IFNAR1: variants seen among roughly 807,000 people sequenced by gnomAD.
IFNAR1 encodes interferon alpha and beta receptor subunit 1, also known as interferon alpha/beta receptor 1.
Under a neutral mutation model 62.1 loss-of-function variants are expected in IFNAR1, and 47 were observed. That is an observed-to-expected ratio of 0.76 (90% CI 0.60 to 0.97). The LOEUF (loss-of-function observed/expected upper bound fraction) is 0.97, where lower values mean the gene tolerates loss of function less well. IFNAR1 is among the 50% of genes least tolerant of loss of function. IFNAR1 has a pLI of 0.00. For missense variants in IFNAR1, 638 were observed against 654.5 expected (o/e 0.97, Z 0.27); for synonymous variants, 219 against 226.9 (o/e 0.97, Z 0.31).
rs774191862 is a variant in IFNAR1 at position 33,349,463 on chromosome 21, C to G, written c.1063C>G (p.Gln355Glu). Residue 355 changes from glutamine (Q) to glutamate (E), a missense_variant, in exon 8 of 11, where the codon CAG becomes GAG. Gln to Glu is a conservative substitution (Grantham distance 29). Coordinates refer to ENST00000270139, the MANE Select transcript of IFNAR1 (RefSeq NM_000629.3). ...SFHIYIGAPK[Q>E]SGNTPVIQDY... is the part of the protein sequence containing the mutation. ...CCATATCTATATCGGTGCTCCAAAA[C>G]AGTCTGGAAACACGCCTGTGATCCA... 3.1e-6 allele frequency: 5 copies of G among 1,611,188 alleles called. No individual in the cohort carries two copies. In the African/African-American group the frequency reaches 6.7e-5, roughly 22 times the overall value.
At chr21:33,331,131 C>G (rs2083175436) in intron 1 of IFNAR1, among the ~76,000 whole-genome samples, 2 of 152,198 alleles carry the variant, frequency 1.3e-5, no homozygotes, top group Admixed American at 6.5e-5. Flanking sequence ...GCAGCTGTTA[C>G]ACCCTTCCCT....
At chr21:33,331,718 A>T (rs2083182972) in intron 1 of IFNAR1, among the ~76,000 whole-genome samples, 1 of 152,114 alleles carries the variant, frequency 6.6e-6, no homozygotes, top group Non-Finnish European at 1.5e-5. Context: ...ATTTAGAGTC[A>T]TGACTTCATG....
Position 33,341,009 on chromosome 21 carries a change from G to A in IFNAR1, c.211G>A (p.Asp71Asn). 1 of 1,606,674 alleles carries A rather than the reference G, an allele frequency of 6.2e-7. No individual in the cohort carries two copies. Among genetic ancestry groups the A allele is most frequent in the Non-Finnish European group, 8.5e-7 (1 of 1,174,360 alleles). ...TTTTTTACTTTAAAGAACTGGGATGGATAATTGGATAAAATTGTCTGGGTG... is the reference window on the plus strand; with the variant it reads ...TTTTTTACTTTAAAGAACTGGGATGAATAATTGGATAAAATTGTCTGGGTG... ...FSFDYQKTGM[D>N]NWIKLSGCQN... The change falls in exon 3 of 11, where the codon GAT (aspartate) becomes AAT (asparagine). Residue 71 changes from aspartate (D) to asparagine (N), a missense_variant. Transcript: ENST00000270139.
intron 1 of IFNAR1, among the ~76,000 whole-genome samples, chr21:33,329,184 A>G (rs2083154717): frequency 6.6e-6 from 1 of 152,122 alleles, no homozygotes; most frequent in Non-Finnish European, 1.5e-5. Flanking sequence ...AACATTTTCT[A>G]TTCTTGTCTC....
At position 33,358,699 on chromosome 21, in the gene IFNAR1, T is replaced by C. The variant is rs983104764; in HGVS notation, c.*3150T>C. On this transcript the variant is annotated 3_prime_UTR_variant, in exon 11 of 11. Coordinates refer to ENST00000270139, the MANE Select transcript of IFNAR1 (RefSeq NM_000629.3). ...ATTTGCAACTTATAAAAAAGTTACT[T>C]TTAAAAATATAAGTTAGGGCTAGGC... 6.6e-6 allele frequency: 1 copy of C among 152,056 alleles called. No individual in the cohort carries two copies. The highest frequency in any genetic ancestry group is 2.4e-5 in the African/African-American group (1 of 41,408). 9.4% of individuals were successfully genotyped at this position (152,056 alleles called of 1,614,324 possible).
Position 33,340,981 on chromosome 21 carries a change from GT to G in IFNAR1, c.201-10del, listed in dbSNP as rs747996862. The G allele has an allele frequency of 9.1e-6, 14 of 1,537,242 alleles. No individual in the cohort carries two copies. Among genetic ancestry groups the G allele is most frequent in the Middle Eastern group, 1.7e-4 (1 of 5,808 alleles). ...TATACATTTGCTCACTCATTCATTT[GT>G]TTTTTTTACTTTAAAGAACTGGGAT... On this transcript the variant is annotated splice_polypyrimidine_tract_variant and intron_variant, in intron 2 of 10. Coordinates refer to ENST00000270139, the MANE Select transcript of IFNAR1 (RefSeq NM_000629.3).
Position 33,349,553 on chromosome 21 carries a change from C to T in IFNAR1, c.1143+10C>T, listed in dbSNP as rs2083381500. On this transcript the variant is annotated intron_variant, in intron 8 of 10. Coordinates refer to ENST00000270139, the MANE Select transcript of IFNAR1 (RefSeq NM_000629.3). ...CACTTCAAATGCTGAGGTAAAAAGA[C>T]TGTATAGTATAATTTTGTAACTTAG... 4.5e-6 allele frequency: 7 copies of T among 1,552,966 alleles called. No homozygotes were observed. The highest frequency in any genetic ancestry group is 6.2e-6 in the Non-Finnish European group (7 of 1,134,234).
Position 33,343,526 on chromosome 21 carries a change from G to A in IFNAR1, c.532-9G>A, listed in dbSNP as rs781327913. Reference sequence around the variant, plus strand: ...TTTTTTAAAGAACCAACTTATATTTGTGTTATAGGAAAGGATTGAAAATAT... The same window carrying A: ...TTTTTTAAAGAACCAACTTATATTTATGTTATAGGAAAGGATTGAAAATAT... On this transcript the variant is annotated splice_polypyrimidine_tract_variant and intron_variant, in intron 4 of 10. Transcript: ENST00000270139. The A allele has an allele frequency of 1.3e-6, 2 of 1,529,568 alleles. No individual in the cohort carries two copies. Among genetic ancestry groups the A allele is most frequent in the South Asian group, 1.1e-5 (1 of 87,460 alleles). The allele number at this position is 1,529,568 out of a possible 1,614,324, so 94.7% of individuals were successfully genotyped here.
At chr21:33,355,252 C>T in intron 10 of IFNAR1, 64 bp from the exon 11 acceptor site, 1 of 826,370 alleles carries the variant, frequency 1.2e-6, no homozygotes, top group Non-Finnish European at 1.9e-6. Flanking sequence ...GCTATTACAA[C>T]TAGAAAAGGA....
intron 1 of IFNAR1, among the ~76,000 whole-genome samples, chr21:33,334,029 A>G (rs1467803570): frequency 2.0e-5 from 3 of 152,244 alleles, no homozygotes; most frequent in Non-Finnish European, 2.9e-5. Context: ...AGGAATTGCT[A>G]TACTTATGTC....
intron 1 of IFNAR1, among the ~76,000 whole-genome samples, chr21:33,331,970 C>T (rs2243590): frequency 0.38 from 57,790 of 151,922 alleles, 11,167 homozygotes; most frequent in Middle Eastern, 0.46. Flanking sequence ...TACGTCCAAG[C>T]CCTGCCACAG....
intron 6 of IFNAR1, among the ~76,000 whole-genome samples, chr21:33,348,661 G>T (rs1335001636): frequency 6.6e-6 from 1 of 152,110 alleles, no homozygotes; most frequent in Non-Finnish European, 1.5e-5. Flanking sequence ...AATTAGGCAG[G>T]CCTGGTGGCG....
chr21:33,324,887 G>GT (rs2083108136), upstream of IFNAR1: 7 of 610,450 alleles, frequency 1.1e-5, no homozygotes, highest in Admixed American at 2.7e-5. Flanking sequence ...CGTGCGCGGA[G>GT]GGGCGGTGTG....
In IFNAR1 at chr21:33,349,377, A is replaced by G. The variant is rs775067703; in HGVS notation, c.989-12A>G. ...TCTAATTGAACATTATTTCTTTACA[A>G]ATTTTTTCTAGCTTTCCTACTTCCT... is the stretch of plus-strand genomic sequence containing the variant. On this transcript the variant is annotated splice_polypyrimidine_tract_variant and intron_variant, in intron 7 of 10. Transcript: ENST00000270139. 8.2e-6 allele frequency: 13 copies of G among 1,579,236 alleles called. No homozygotes were observed. The highest frequency in any genetic ancestry group is 1.0e-5 in the Non-Finnish European group (12 of 1,165,854).
chr21:33,337,757 C>CAT (rs146600084), intron 2 of IFNAR1, among the ~76,000 whole-genome samples: 183 of 57,500 alleles, frequency 3.2e-3, no homozygotes, highest in Middle Eastern at 8.1e-3. Context: ...CATATACACA[C>CAT]TATATATACA....
chr21:33,351,107 T>C (rs2083393010), intron 8 of IFNAR1, among the ~76,000 whole-genome samples: 1 of 152,232 alleles, frequency 6.6e-6, no homozygotes, highest in Non-Finnish European at 1.5e-5. Flanking sequence ...GAAACTCTTA[T>C]TGAATACTTA....
rs909347447 is a variant in IFNAR1, at chr21:33,324,987, G to C, written c.-69G>C. ...AGAGGGGCGGTGTGACTTAGGACGGGGCGATGGCGGCTGAGAGGAGCTGCG... is the reference window on the plus strand; with the variant it reads ...AGAGGGGCGGTGTGACTTAGGACGGCGCGATGGCGGCTGAGAGGAGCTGCG... On this transcript the variant is annotated 5_prime_UTR_variant, in exon 1 of 11. Transcript: ENST00000270139. 7 of 1,409,854 alleles carry C rather than the reference G, an allele frequency of 5.0e-6. No homozygotes were observed. The highest frequency in any genetic ancestry group is 6.9e-6 in the Non-Finnish European group (7 of 1,020,502). 87.3% of individuals were successfully genotyped at this position (1,409,854 alleles called of 1,614,324 possible).
At position 33,352,909 on chromosome 21, in the gene IFNAR1, G is replaced by A. The variant is rs1180199400; in HGVS notation, c.1294+1G>A. The A allele has an allele frequency of 1.3e-6, 2 of 1,562,218 alleles. No individual in the cohort carries two copies. Among genetic ancestry groups the A allele is most frequent in the South Asian group, 1.2e-5 (1 of 83,356 alleles). On this transcript the variant is annotated splice_donor_variant, in intron 9 of 10. Coordinates refer to ENST00000270139, the MANE Select transcript of IFNAR1 (RefSeq NM_000629.3). LOFTEE classifies it high-confidence loss of function. ...GCTGTATGTGAGAAAACAAAACCAG[G>A]TCAGAATCTTTTATTGTCTTTTTTA... is the stretch of plus-strand genomic sequence containing the variant.
At chr21:33,346,830 T>C (rs754858335) in intron 6 of IFNAR1, among the ~76,000 whole-genome samples, 1 of 152,212 alleles carries the variant, frequency 6.6e-6, no homozygotes, top group Admixed American at 6.5e-5. Context: ...AACAAGGCCT[T>C]GATTGTTAAT....
Sources: allele counts gnomAD v4.1 joint callset (sites outside exome capture counted in the v4.1 genomes callset), GRCh38; gene constraint gnomAD v4.1.1; transcripts MANE v1.5; gene names NCBI Gene and HGNC (gene_info 2026-07-23, HGNC 2026-07-21).